WDFY4: variants seen among roughly 807,000 people sequenced by gnomAD.
WDFY4 encodes the protein WD repeat- and FYVE domain-containing protein 4.
In WDFY4, 169 loss-of-function variants were observed where a neutral mutation model predicts 351.9. The observed-to-expected ratio is 0.48, with a 90% CI of 0.42 to 0.55. WDFY4 has a LOEUF of 0.55. Ranked by LOEUF, WDFY4 falls within the 20% of genes least tolerant of loss-of-function variation. The pLI is 0.00. For missense variants in WDFY4, 3,803 were observed against 3,935.6 expected, an observed-to-expected ratio of 0.97 and a Z score of 0.90; for synonymous variants, 1,622 against 1,574.6, an observed-to-expected ratio of 1.03 and a Z score of -0.71.
intron 7 of WDFY4, among the ~76,000 whole-genome samples, chr10:48,728,065 C>A (rs774069846): frequency 3.3e-5 from 5 of 152,222 alleles, no homozygotes; most frequent in Admixed American, 6.5e-5. Flanking sequence ...GCACATCCAG[C>A]ACAGCTGCCC....
chr10:48,809,103 A>C (rs2067352703), intron 28 of WDFY4, among the ~76,000 whole-genome samples: 1 of 152,138 alleles, frequency 6.6e-6, no homozygotes, highest in Admixed American at 6.6e-5. Context: ...ATTCTCTGTA[A>C]GCTAATTGCT....
rs1168052628 is a variant in WDFY4 at position 48,743,553 on chromosome 10, C to T, written c.2459+5C>T. 2.6e-6 allele frequency: 4 copies of T among 1,528,484 alleles called. No individual in the cohort carries two copies. Among genetic ancestry groups the T allele is most frequent in the Non-Finnish European group, 3.5e-6 (4 of 1,140,070 alleles). The allele number at this position is 1,528,484 out of a possible 1,614,324, so 94.7% of individuals were successfully genotyped here. On this transcript the variant is annotated splice_donor_5th_base_variant and intron_variant, in intron 12 of 61. Transcript: ENST00000325239. ...GTGGCCAGACCTGGAGGAGAGGTAG[C>T]TTCTTCTGCCAGTGTGTCATCAGTG...
At chr10:48,718,963 A>G (rs1338514617) in intron 2 of WDFY4, among the ~76,000 whole-genome samples, 1 of 152,220 alleles carries the variant, frequency 6.6e-6, no homozygotes, top group African/African-American at 2.4e-5. Flanking sequence ...ATAGAAATAC[A>G]GAAGGGGCAG....
At chr10:48,756,683 C>A (rs906400476) in intron 12 of WDFY4, among the ~76,000 whole-genome samples, 5 of 152,012 alleles carry the variant, frequency 3.3e-5, no homozygotes, top group African/African-American at 1.2e-4. Flanking sequence ...GATTTTTAAT[C>A]TTTCAAATGC....
At chr10:48,770,198 A>T (rs949633651) in intron 13 of WDFY4, among the ~76,000 whole-genome samples, 9 of 152,224 alleles carry the variant, frequency 5.9e-5, no homozygotes, top group Non-Finnish European at 1.0e-4. Flanking sequence ...ATTACGGGGT[A>T]TTGAGCAATT....
In WDFY4 at chr10:48,796,305, C is replaced by T. The variant is rs769461401; in HGVS notation, c.4265C>T (p.Ala1422Val). Residue 1422 changes from alanine to valine, a missense_variant, in exon 24 of 62, where the codon GCG becomes GTG. Ala to Val is a moderately conservative substitution (Grantham distance 64, BLOSUM62 0). This residue lies in a region of WDFY4 where 3,054 missense variants were observed against 3,148.6 expected (regional missense o/e 0.97). Transcript: ENST00000325239. ...TTGTGTTAACCTTTTCAGATAATGG[C>T]GTTTCTCCTGAGGAAGAAGGCCTCT... ...MQHICGYQIM[A>V]FLLRKKASLL... The T allele has an allele frequency of 6.4e-6, 10 of 1,551,442 alleles. No individual in the cohort carries two copies. Among genetic ancestry groups the T allele is most frequent in the South Asian group, 1.2e-5 (1 of 83,976 alleles).
At chr10:48,820,980 C>T in intron 33 of WDFY4, 82 bp from the exon 34 acceptor site, 1 of 984,124 alleles carries the variant, frequency 1.0e-6, no homozygotes, top group Admixed American at 2.0e-5. Flanking sequence ...ATAAGTGTCC[C>T]AGCCAGGCTA....
intron 47 of WDFY4, among the ~76,000 whole-genome samples, chr10:48,939,930 C>A (rs1245275181): frequency 6.6e-6 from 1 of 152,244 alleles, no homozygotes; most frequent in East Asian, 1.9e-4. Flanking sequence ...AATTCTAGAA[C>A]CTTGTCTGAA....
intron 43 of WDFY4, among the ~76,000 whole-genome samples, chr10:48,880,223 G>A (rs562359890): frequency 5.3e-5 from 8 of 152,288 alleles, no homozygotes; most frequent in East Asian, 3.9e-4. Context: ...TCAGGGACCC[G>A]AGTGAGTCCC....
At chr10:48,793,678 G>T (rs1055968225) in intron 23 of WDFY4, among the ~76,000 whole-genome samples, 2 of 152,182 alleles carry the variant, frequency 1.3e-5, no homozygotes, top group Non-Finnish European at 2.9e-5. Flanking sequence ...AAGAGCGTGT[G>T]TCCGGCTTGT....
chr10:48,763,377 G>A (rs184654509), intron 13 of WDFY4, among the ~76,000 whole-genome samples: 4 of 152,366 alleles, frequency 2.6e-5, no homozygotes, highest in Admixed American at 2.6e-4. Context: ...TCTGGGCATG[G>A]CACACCTTTC....
At chr10:48,914,551 A>C (rs2377652) in intron 47 of WDFY4, among the ~76,000 whole-genome samples, 21,509 of 152,066 alleles carry the variant, frequency 0.14, 1,749 homozygotes, top group Middle Eastern at 0.22. Context: ...ACCCAGAGCC[A>C]TGTGTGTGTG....
chr10:48,923,181 C>G (rs1453753490), intron 47 of WDFY4, among the ~76,000 whole-genome samples: 1 of 152,144 alleles, frequency 6.6e-6, no homozygotes, highest in Non-Finnish European at 1.5e-5. Flanking sequence ...AGTTCTGCCC[C>G]TGAAAGGGCA....
Position 48,966,598 on chromosome 10 carries a change from G to A in WDFY4, c.8509G>A (p.Val2837Met), listed in dbSNP as rs1156261245. 30 of 1,551,944 alleles carry A rather than the reference G, an allele frequency of 1.9e-5. No homozygotes were observed. Among genetic ancestry groups the A allele is most frequent in the East Asian group, 1.7e-4 (7 of 40,916 alleles). The change falls in exon 55 of 62, where the codon GTG (valine) becomes ATG (methionine). Residue 2837 changes from valine to methionine, a missense_variant. Val to Met is a conservative substitution (Grantham distance 21). This residue lies in a region of WDFY4 where 3,054 missense variants were observed against 3,148.6 expected (regional missense o/e 0.97). Transcript: ENST00000325239. ...GCCTGGAAAGGATGTCTCCACCCCC[G>A]TGAGCCTGCCTGGCCACCCACAGCC... ...PLPGKDVSTP[V>M]SLPGHPQPFF...
chr10:48,850,879 A>G (rs962642187), intron 39 of WDFY4, among the ~76,000 whole-genome samples: 2 of 152,218 alleles, frequency 1.3e-5, no homozygotes, highest in African/African-American at 4.8e-5. Flanking sequence ...GCCACTACCT[A>G]TAGGAATAAA....
intron 1 of WDFY4, among the ~76,000 whole-genome samples, chr10:48,699,472 G>A (rs1201217413): frequency 6.6e-6 from 1 of 152,198 alleles, no homozygotes; most frequent in Non-Finnish European, 1.5e-5. Context: ...AGAGTGGGGA[G>A]AGGAGGGGCT....
At position 48,781,739 on chromosome 10, in the gene WDFY4, C is replaced by T. The variant is rs369161752; in HGVS notation, c.3576+1620C>T. Among the ~76,000 whole-genome samples, 14 of 152,170 alleles carry T rather than the reference C, an allele frequency of 9.2e-5. No individual in the cohort carries two copies. The East Asian group carries it at 2.3e-3, about 25-fold the overall frequency. On this transcript the variant is annotated intron_variant, in intron 19 of 61. Coordinates refer to ENST00000325239, the MANE Select transcript of WDFY4 (RefSeq NM_001394531.1). ...TCCTCATTAAATATTTATTGAGCAC[C>T]TGTTATGTGTTAGCTAATATTTTAG...
At position 48,820,340 on chromosome 10, in the gene WDFY4, G is replaced by T; in HGVS notation, c.5612G>T (p.Arg1871Leu). ...GCTCCCACCAAGGCACATCCCGCCC[G>T]GAGGAAGCTGAGGGAGTTCACGCAG... The part of the protein sequence containing the change: ...LQAPTKAHPA[R>L]RKLREFTQLL... Residue 1871 changes from arginine to leucine, a missense_variant, in exon 33 of 62, where the codon CGG (arginine) becomes CTG (leucine). Physicochemically the swap from Arg to Leu is moderately radical, Grantham distance 102 (BLOSUM62 -2). This residue lies in a region of WDFY4 where 3,054 missense variants were observed against 3,148.6 expected (regional missense o/e 0.97). Transcript: ENST00000325239. 1 of 1,551,630 alleles carries T rather than the reference G, an allele frequency of 6.4e-7. No individual in the cohort carries two copies.
chr10:48,698,945 C>T (rs903126362), intron 1 of WDFY4, among the ~76,000 whole-genome samples: 3 of 152,148 alleles, frequency 2.0e-5, no homozygotes, highest in Non-Finnish European at 2.9e-5. Context: ...GCCGTGAGTC[C>T]GAAATCAGTC....
Sources: gnomAD v4.1 joint callset for allele counts (sites outside exome capture counted in the v4.1 genomes callset) on GRCh38, gnomAD v4.1.1 for gene constraint, gnomAD v4.1.1 regional missense constraint, MANE v1.5 for transcripts, NCBI Gene and HGNC (gene_info 2026-07-23, HGNC 2026-07-21) for gene names.